The following KCND2 variants were observed in gnomAD, a reference collection of about 807,000 sequenced individuals.
The protein encoded by KCND2 is potassium voltage-gated channel subfamily D member 2, also known as A-type voltage-gated potassium channel KCND2.
KCND2 carries 16 observed loss-of-function variants against 54.4 expected under a neutral mutation model. The observed-to-expected ratio is 0.29, with a 90% CI of 0.20 to 0.45. The LOEUF is 0.45. Among genes scored for constraint, KCND2 ranks in the 20% least tolerant of loss-of-function variants. KCND2 has a pLI of 1.00. For missense variants in KCND2, 486 were observed against 824.2 expected (o/e 0.59, Z 5.02); for synonymous variants, 317 against 310.7 (o/e 1.02, Z -0.21).
At position 120,500,255 on chromosome 7, in the gene KCND2, A is replaced by G. The variant is rs1802912336; in HGVS notation, c.1115+224508A>G. ...GTGATTACTTATTCTGTGGCTTACA[A>G]AATTTCAGAAAGGAAAGGCAGAGAT... On this transcript the variant is annotated intron_variant, in intron 1 of 5. Coordinates refer to ENST00000331113, the MANE Select transcript of KCND2 (RefSeq NM_012281.3). Among the ~76,000 whole-genome samples, 4 of 152,324 alleles carry G rather than the reference A, an allele frequency of 2.6e-5. No individual in the cohort carries two copies. In the South Asian group the frequency reaches 8.3e-4, roughly 32 times the overall value.
chr7:120,559,799 A>T (rs550512497), intron 1 of KCND2, among the ~76,000 whole-genome samples: 12 of 152,212 alleles, frequency 7.9e-5, no homozygotes, highest in Non-Finnish European at 1.5e-4. Flanking sequence ...AACATGATAC[A>T]TAAGTCTTCT....
intron 1 of KCND2, among the ~76,000 whole-genome samples, chr7:120,467,600 G>C (rs755188904): frequency 6.6e-6 from 1 of 152,108 alleles, no homozygotes; most frequent in African/African-American, 2.4e-5. Flanking sequence ...ATGCAATATG[G>C]TATCAAGTTA....
intron 2 of KCND2, among the ~76,000 whole-genome samples, chr7:120,734,104 A>G (rs974047699): frequency 6.6e-6 from 1 of 152,116 alleles, no homozygotes; most frequent in Non-Finnish European, 1.5e-5. Context: ...TACAGGCAGT[A>G]AAAGGAAAGT....
chr7:120,461,810 A>G (rs1330182467), intron 1 of KCND2, among the ~76,000 whole-genome samples: 1 of 152,120 alleles, frequency 6.6e-6, no homozygotes. Context: ...TAAAATCATA[A>G]TCTTCCCACT....
At chr7:120,457,956 C>T (rs1802223758) in intron 1 of KCND2, among the ~76,000 whole-genome samples, 1 of 152,208 alleles carries the variant, frequency 6.6e-6, no homozygotes. Context: ...TGGAAACTTA[C>T]AATCATAGAA....
chr7:120,548,660 T>C (rs1187295098), intron 1 of KCND2, among the ~76,000 whole-genome samples: 1 of 152,128 alleles, frequency 6.6e-6, no homozygotes, highest in Admixed American at 6.6e-5. Context: ...ATGAATGAAT[T>C]CAACAGAAAT....
chr7:120,459,066 A>C (rs1802242853), intron 1 of KCND2, among the ~76,000 whole-genome samples: 1 of 152,056 alleles, frequency 6.6e-6, no homozygotes, highest in Non-Finnish European at 1.5e-5. Context: ...TTTAAAGTTG[A>C]AATGCATATA....
At chr7:120,447,788 G>T (rs1584782816) in intron 1 of KCND2, among the ~76,000 whole-genome samples, 1 of 151,172 alleles carries the variant, frequency 6.6e-6, no homozygotes. Flanking sequence ...AATTCTTTTG[G>T]GTTTCCAAAT....
At chr7:120,562,112 CTT>C (rs1253554334) in intron 1 of KCND2, among the ~76,000 whole-genome samples, 1 of 152,150 alleles carries the variant, frequency 6.6e-6, no homozygotes, top group Non-Finnish European at 1.5e-5. Flanking sequence ...GCAGACATCT[CTT>C]TGAAAGTTAT....
chr7:120,637,298 G>C (rs1793317243), intron 1 of KCND2, among the ~76,000 whole-genome samples: 1 of 152,020 alleles, frequency 6.6e-6, no homozygotes, highest in Non-Finnish European at 1.5e-5. Flanking sequence ...TTAAGTCTAA[G>C]GATTAAGTCC....
chr7:120,441,886 C>A (rs1462243811), intron 1 of KCND2, among the ~76,000 whole-genome samples: 1 of 152,220 alleles, frequency 6.6e-6, no homozygotes, highest in African/African-American at 2.4e-5. Context: ...GTGTGAACTA[C>A]TACCAAGTTG....
At chr7:120,356,897 G>A (rs767673720) in intron 1 of KCND2, among the ~76,000 whole-genome samples, 8 of 152,028 alleles carry the variant, frequency 5.3e-5, no homozygotes, top group African/African-American at 7.2e-5. Context: ...GCTGGTTAGC[G>A]TTACTGGGGT....
In KCND2 at chr7:120,745,847, C is replaced by T. The variant is rs1397844306; in HGVS notation, c.1535C>T (p.Pro512Leu). 6.2e-7 allele frequency: 1 copy of T among 1,613,672 alleles called. No individual in the cohort carries two copies. Among genetic ancestry groups the T allele is most frequent in the Non-Finnish European group, 8.5e-7 (1 of 1,179,778 alleles). ...SCMEVATVNR[P>L]SSHSPSLSSQ... Reference sequence around the variant, plus strand: ...ATGGAAGTTGCAACTGTTAATCGTCCTTCAAGTCACAGTCCTTCACTGTCT... The same window carrying T: ...ATGGAAGTTGCAACTGTTAATCGTCTTTCAAGTCACAGTCCTTCACTGTCT... Residue 512 changes from proline (P) to leucine (L), a missense_variant, in exon 5 of 6, where the codon CCT becomes CTT. Transcript: ENST00000331113.
chr7:120,510,983 A>C (rs943673263), intron 1 of KCND2, among the ~76,000 whole-genome samples: 2 of 149,042 alleles, frequency 1.3e-5, no homozygotes, highest in African/African-American at 5.0e-5. Flanking sequence ...ATGGCCTCCC[A>C]TGACTTGACA....
chr7:120,514,082 A>G (rs991959810), intron 1 of KCND2, among the ~76,000 whole-genome samples: 1 of 152,132 alleles, frequency 6.6e-6, no homozygotes, highest in Non-Finnish European at 1.5e-5. Flanking sequence ...TACTAGAAGG[A>G]CTAAGCAATT....
intron 1 of KCND2, among the ~76,000 whole-genome samples, chr7:120,547,479 G>A (rs1441382333): frequency 6.6e-6 from 1 of 151,922 alleles, no homozygotes; most frequent in African/African-American, 2.4e-5. Context: ...CTGGCAAAAT[G>A]ACAAGCAGAA....
chr7:120,420,585 C>T (rs1801597291), intron 1 of KCND2, among the ~76,000 whole-genome samples: 1 of 152,050 alleles, frequency 6.6e-6, no homozygotes, highest in South Asian at 2.1e-4. Context: ...AGAACAGTTT[C>T]AGAAGGGTGC....
At chr7:120,446,996 C>G (rs1213234295) in intron 1 of KCND2, among the ~76,000 whole-genome samples, 4 of 151,960 alleles carry the variant, frequency 2.6e-5, no homozygotes, top group Non-Finnish European at 5.9e-5. Context: ...AAATTATAAC[C>G]AAATATTTTA....
At chr7:120,473,068 G>A (rs920582715) in intron 1 of KCND2, among the ~76,000 whole-genome samples, 1 of 152,188 alleles carries the variant, frequency 6.6e-6, no homozygotes, top group Admixed American at 6.5e-5. Context: ...TGAGAGCTTG[G>A]ACCATAAGGA....
Sources: gnomAD v4.1 joint callset for allele counts (sites outside exome capture counted in the v4.1 genomes callset) on GRCh38, gnomAD v4.1.1 for gene constraint, MANE v1.5 for transcripts, NCBI Gene and HGNC (gene_info 2026-07-23, HGNC 2026-07-21) for gene names.